Variants in PRKG1 observed in about 807,000 individuals in gnomAD.
The protein encoded by PRKG1 is protein kinase cGMP-dependent 1.
In PRKG1, 35 loss-of-function variants were observed where a neutral mutation model predicts 88.1. The ratio of observed to expected loss-of-function variants is 0.40; its 90% CI spans 0.30 to 0.53. The LOEUF (loss-of-function observed/expected upper bound fraction) is 0.53. Among genes scored for constraint, PRKG1 ranks in the 20% least tolerant of loss-of-function variants. The pLI is 0.59. For synonymous variants in PRKG1, 303 were observed against 292.5 expected (o/e 1.04, Z -0.37); for missense variants, 540 against 839.8 (o/e 0.64, Z 4.41).
Position 51,409,850 on chromosome 10 carries a change from C to CAAA in PRKG1, c.479-57855_479-57853dup, listed in dbSNP as rs71459417. Among the ~76,000 whole-genome samples the CAAA allele has an allele frequency of 3.9e-3, 313 of 79,484 alleles. 7 individuals carry two copies. Among genetic ancestry groups the CAAA allele is most frequent in the African/African-American group, 0.011 (211 of 19,298 alleles). The allele number at this position is 79,484 out of a possible 152,430, so 52.1% of individuals were successfully genotyped here. On this transcript the variant is annotated intron_variant, in intron 2 of 17. Transcript: ENST00000373980. ...GCCTGGCAACAGAGAGAGACTCTGT[C>CAAA]AAAAAAAAAAAAAAAAAAAAGGAGA...
chr10:52,097,233 A>AG (rs398013450), intron 7 of PRKG1, among the ~76,000 whole-genome samples: 2 of 108,262 alleles, frequency 1.8e-5, no homozygotes, highest in African/African-American at 6.0e-5. Flanking sequence ...TTAATAACTC[A>AG]TTTTTGACTT....
chr10:51,637,002 A>C (rs1208228907), intron 3 of PRKG1, among the ~76,000 whole-genome samples: 1 of 152,204 alleles, frequency 6.6e-6, no homozygotes, highest in Non-Finnish European at 1.5e-5. Flanking sequence ...GCAGCTGGAC[A>C]TCTTGTGATG....
intron 1 of PRKG1, among the ~76,000 whole-genome samples, chr10:51,111,806 G>A (rs529076935): frequency 3.3e-5 from 5 of 152,166 alleles, no homozygotes; most frequent in African/African-American, 1.2e-4. Flanking sequence ...GTTCGGAGAG[G>A]TGTTTTTACC....
At chr10:51,201,424 C>T (rs1171400293) in intron 2 of PRKG1, among the ~76,000 whole-genome samples, 1 of 151,984 alleles carries the variant, frequency 6.6e-6, no homozygotes, top group Non-Finnish European at 1.5e-5. Flanking sequence ...CACACTCCAG[C>T]CTAGGGGACA....
chr10:52,172,899 A>G (rs959646842), intron 9 of PRKG1, among the ~76,000 whole-genome samples: 21 of 152,210 alleles, frequency 1.4e-4, no homozygotes, highest in Non-Finnish European at 2.5e-4. Context: ...GAACTTGAAC[A>G]AGCACCCTGG....
chr10:51,690,926 C>CAAAA (rs942329676), intron 3 of PRKG1, among the ~76,000 whole-genome samples: 20 of 37,704 alleles, frequency 5.3e-4, no homozygotes, highest in Non-Finnish European at 8.4e-4. Flanking sequence ...GACTCTGTCT[C>CAAAA]AAAAAAAAAA....
chr10:51,289,697 G>A (rs1172279577), intron 2 of PRKG1, among the ~76,000 whole-genome samples: 1 of 151,870 alleles, frequency 6.6e-6, no homozygotes, highest in Non-Finnish European at 1.5e-5. Context: ...AGAGTTTGTG[G>A]GGTGTGTGTC....
At chr10:51,328,571 T>G (rs564060496) in intron 2 of PRKG1, among the ~76,000 whole-genome samples, 2 of 152,344 alleles carry the variant, frequency 1.3e-5, no homozygotes, top group East Asian at 3.9e-4. Flanking sequence ...TTTTTAACTT[T>G]TTGAAGAAAC....
At chr10:51,760,904 C>T (rs1195685860) in intron 3 of PRKG1, among the ~76,000 whole-genome samples, 1 of 152,122 alleles carries the variant, frequency 6.6e-6, no homozygotes, top group African/African-American at 2.4e-5. Context: ...CACCTGAGGT[C>T]AGGAGTTTGA....
chr10:51,199,826 T>C (rs1202142633), intron 2 of PRKG1, among the ~76,000 whole-genome samples: 8 of 152,234 alleles, frequency 5.3e-5, no homozygotes, highest in Admixed American at 2.0e-4. Context: ...ACAGCTCTGC[T>C]GTTACACATC....
In PRKG1 at chr10:51,843,269, G is replaced by A. The variant is rs58133337; in HGVS notation, c.698+38579G>A. Among the ~76,000 whole-genome samples the A allele has an allele frequency of 2.6e-5, 4 of 151,786 alleles. No homozygotes were observed. In the South Asian group the frequency reaches 8.3e-4, roughly 32 times the overall value. ...TAAGAATAATTTGTTTTATATATTA[G>A]AAACATTTATTTGATGTGCTTTTCT... On this transcript the variant is annotated intron_variant, in intron 4 of 17. Coordinates refer to ENST00000373980, the MANE Select transcript of PRKG1 (RefSeq NM_006258.4).
intron 2 of PRKG1, among the ~76,000 whole-genome samples, chr10:51,388,460 A>C (rs910907067): frequency 6.6e-6 from 1 of 152,228 alleles, no homozygotes; most frequent in Non-Finnish European, 1.5e-5. Context: ...TTTTCTGTCC[A>C]TGATAAATAT....
Position 52,245,809 on chromosome 10 carries a change from G to A in PRKG1, c.1077-5761G>A, listed in dbSNP as rs981621484. On this transcript the variant is annotated intron_variant, in intron 9 of 17. Coordinates refer to ENST00000373980, the MANE Select transcript of PRKG1 (RefSeq NM_006258.4). ...TATTTATTTATTTATTTATTTGTTG[G>A]AGGCACTTAGAGTAGACTTCTGTAG... 2.0e-5 allele frequency among the ~76,000 whole-genome samples: 3 copies of A among 147,256 alleles called. No individual in the cohort carries two copies. The Admixed American group carries it at 2.0e-4, about 10-fold the overall frequency.
chr10:52,153,891 A>G (rs775740875), intron 8 of PRKG1, among the ~76,000 whole-genome samples: 2 of 151,988 alleles, frequency 1.3e-5, no homozygotes, highest in Non-Finnish European at 2.9e-5. Flanking sequence ...GATTACAGGC[A>G]TGGACTACCA....
chr10:52,268,115 G>C (rs1027406311), intron 10 of PRKG1, among the ~76,000 whole-genome samples: 1 of 152,032 alleles, frequency 6.6e-6, no homozygotes, highest in Non-Finnish European at 1.5e-5. Flanking sequence ...ATTGGAAGTG[G>C]AGATTCTAAG....
intron 3 of PRKG1, among the ~76,000 whole-genome samples, chr10:51,743,879 A>C (rs976541144): frequency 1.3e-5 from 2 of 150,282 alleles, no homozygotes; most frequent in African/African-American, 4.9e-5. Flanking sequence ...GATTGTTTTA[A>C]ATATTCGGCT....
At chr10:51,799,221 G>A (rs915325654) in intron 3 of PRKG1, among the ~76,000 whole-genome samples, 8 of 151,948 alleles carry the variant, frequency 5.3e-5, no homozygotes, top group Non-Finnish European at 8.8e-5. Context: ...TTTCTGAAGG[G>A]AATCATTTGC....
At chr10:51,932,859 G>C (rs569442311) in intron 5 of PRKG1, among the ~76,000 whole-genome samples, 1 of 152,092 alleles carries the variant, frequency 6.6e-6, no homozygotes, top group African/African-American at 2.4e-5. Context: ...TTGGAAAGGA[G>C]GTGAAGCGGG....
At chr10:51,937,822 G>A (rs961007482) in intron 5 of PRKG1, among the ~76,000 whole-genome samples, 4 of 151,868 alleles carry the variant, frequency 2.6e-5, no homozygotes, top group South Asian at 2.1e-4. Flanking sequence ...TCTGTGGCCC[G>A]AAAATATTAA....
Sources: gnomAD v4.1 joint callset for allele counts (sites outside exome capture counted in the v4.1 genomes callset) on GRCh38, gnomAD v4.1.1 for gene constraint, MANE v1.5 for transcripts, NCBI Gene and HGNC (gene_info 2026-07-23, HGNC 2026-07-21) for gene names.